Variants in MYO5B observed in about 807,000 individuals in gnomAD.
The protein encoded by MYO5B is myosin VB.
Under a neutral mutation model 229.3 loss-of-function variants are expected in MYO5B, and 143 were observed. The observed-to-expected ratio is 0.62, with a 90% CI of 0.54 to 0.72. The LOEUF (loss-of-function observed/expected upper bound fraction) is 0.72, where lower values mean the gene tolerates loss of function less well. Ranked by LOEUF, MYO5B falls within the 30% of genes least tolerant of loss-of-function variation. The pLI is 0.00. For missense variants in MYO5B, 2,321 were observed against 2,331.0 expected (o/e 1.00, Z 0.09); for synonymous variants, 918 against 885.2 (o/e 1.04, Z -0.66).
At chr18:49,883,150 T>TTGA (rs1225970702) in intron 22 of MYO5B, among the ~76,000 whole-genome samples, 5 of 152,254 alleles carry the variant, frequency 3.3e-5, no homozygotes, top group African/African-American at 1.2e-4. Context: ...TTGCCACTTC[T>TTGA]ATTCAGCATT....
chr18:50,055,452 G>T, intron 1 of MYO5B, 74 bp from the exon 2 acceptor site: 2 of 1,249,398 alleles, frequency 1.6e-6, no homozygotes, highest in Non-Finnish European at 2.3e-6. Context: ...TCACTACCTA[G>T]AAAGTGCCCA....
Position 49,948,554 on chromosome 18 carries a change from AG to A in MYO5B, c.1752+4705del, listed in dbSNP as rs550686135. Among the ~76,000 whole-genome samples the A allele has an allele frequency of 8.5e-5, 13 of 152,250 alleles. 1 individual carries two copies. Among genetic ancestry groups the A allele is most frequent in the Non-Finnish European group, 1.9e-4 (13 of 68,050 alleles). On this transcript the variant is annotated intron_variant, in intron 14 of 39. Coordinates refer to ENST00000285039, the MANE Select transcript of MYO5B (RefSeq NM_001080467.3). ...CCAGCACATCTTAAACAGGAAGCAA[AG>A]TACATTTGAGAACATTTTATAGTAT...
intron 21 of MYO5B, among the ~76,000 whole-genome samples, chr18:49,895,774 G>A (rs1568021804): frequency 6.6e-6 from 1 of 152,160 alleles, no homozygotes; most frequent in Non-Finnish European, 1.5e-5. Context: ...CCCAAACCAT[G>A]CTCCTGCAGA....
intron 1 of MYO5B, among the ~76,000 whole-genome samples, chr18:50,179,640 C>T (rs1599081984): frequency 6.6e-6 from 1 of 152,172 alleles, no homozygotes; most frequent in African/African-American, 2.4e-5. Flanking sequence ...AACTGAGTCT[C>T]CTTGCCAGCA....
At position 50,040,135 on chromosome 18, in the gene MYO5B, C is replaced by T. The variant is rs1457751745; in HGVS notation, c.310+8G>A. 1.2e-6 allele frequency: 2 copies of T among 1,613,670 alleles called. No individual in the cohort carries two copies. The highest frequency in any genetic ancestry group is 1.7e-6 in the Non-Finnish European group (2 of 1,179,722). On this transcript the variant is annotated splice_region_variant and intron_variant, in intron 3 of 39. Transcript: ENST00000285039. Reference sequence around the variant, plus strand: ...AACGCATGCAGCCAACAGATGCCCCCCACTTACCACAGTAAGTGTAGATAT... The same window carrying T: ...AACGCATGCAGCCAACAGATGCCCCTCACTTACCACAGTAAGTGTAGATAT...
chr18:50,190,821 TCTAA>T (rs2033216657), intron 1 of MYO5B, among the ~76,000 whole-genome samples: 1 of 152,232 alleles, frequency 6.6e-6, no homozygotes, highest in African/African-American at 2.4e-5. Context: ...AATAACATCT[TCTAA>T]CTATCACAAA....
chr18:49,954,493 G>A (rs1480102715), intron 12 of MYO5B, 58 bp from the exon 13 acceptor site: 4 of 1,610,700 alleles, frequency 2.5e-6, no homozygotes, highest in Non-Finnish European at 3.4e-6. Flanking sequence ...GAAGCCCTGG[G>A]TTGCAGCAGA....
At chr18:50,022,058 T>C (rs966120242) in intron 4 of MYO5B, among the ~76,000 whole-genome samples, 1 of 152,164 alleles carries the variant, frequency 6.6e-6, no homozygotes, top group Admixed American at 6.5e-5. Flanking sequence ...ATTAACTCTT[T>C]GATTTTCACC....
intron 1 of MYO5B, among the ~76,000 whole-genome samples, chr18:50,079,433 G>A (rs1232960016): frequency 2.6e-5 from 4 of 152,090 alleles, no homozygotes; most frequent in Non-Finnish European, 5.9e-5. Context: ...TCCACCCCTT[G>A]GTCCTTGGAC....
chr18:50,147,047 TACAG>T (rs1272365342), intron 1 of MYO5B, among the ~76,000 whole-genome samples: 2 of 152,170 alleles, frequency 1.3e-5, no homozygotes, highest in African/African-American at 4.8e-5. Context: ...CTTGTCTCCT[TACAG>T]ACAGTTTCCA....
At position 49,849,557 on chromosome 18, in the gene MYO5B, A is replaced by AC. The variant is rs746628996; in HGVS notation, c.4315+9dup. The AC allele has an allele frequency of 2.5e-6, 4 of 1,595,300 alleles. No homozygotes were observed. Among genetic ancestry groups the AC allele is most frequent in the African/African-American group, 2.7e-5 (2 of 74,352 alleles). On this transcript the variant is annotated intron_variant, in intron 32 of 39. Transcript: ENST00000285039. ...TGATTCACAAAACACACTCACTCAC[A>AC]CCCCCCTACCTTCTAGGTCCTGGGC...
chr18:50,123,411 G>A (rs1253588500), intron 1 of MYO5B, among the ~76,000 whole-genome samples: 3 of 152,236 alleles, frequency 2.0e-5, no homozygotes, highest in Admixed American at 2.0e-4. Context: ...ATGGGTAATT[G>A]TATATTATGT....
intron 1 of MYO5B, among the ~76,000 whole-genome samples, chr18:50,187,803 G>T (rs2033169622): frequency 6.6e-6 from 1 of 152,156 alleles, no homozygotes; most frequent in South Asian, 2.1e-4. Flanking sequence ...AGGTGTGAGT[G>T]ACTGTGCCTG....
chr18:49,957,815 C>T (rs569114449), intron 12 of MYO5B, among the ~76,000 whole-genome samples: 52 of 152,164 alleles, frequency 3.4e-4, no homozygotes, highest in Admixed American at 8.5e-4. Context: ...TACTTCAGGC[C>T]TTGTACCCCT....
At position 49,825,607 on chromosome 18, in the gene MYO5B, T is replaced by C. The variant is rs2023833032; in HGVS notation, c.*864A>G. The C allele has an allele frequency of 6.6e-6, 1 of 152,198 alleles. No homozygotes were observed. Among genetic ancestry groups the C allele is most frequent in the South Asian group, 2.1e-4 (1 of 4,832 alleles). The allele number at this position is 152,198 out of a possible 1,614,324, so 9.4% of individuals were successfully genotyped here. A position where few individuals can be genotyped will look rare whatever the true frequency, so the allele number is the denominator to read the frequency against. ...AAAGCTTTCATATTGACTTGTTTGG[T>C]TTTTACATCTATAAATAAAACAAGT... On this transcript the variant is annotated 3_prime_UTR_variant, in exon 40 of 40. Coordinates refer to ENST00000285039, the MANE Select transcript of MYO5B (RefSeq NM_001080467.3).
At chr18:49,866,353 G>A (rs548294922) in intron 27 of MYO5B, among the ~76,000 whole-genome samples, 104 of 152,118 alleles carry the variant, frequency 6.8e-4, no homozygotes, top group Non-Finnish European at 1.1e-3. Flanking sequence ...ACAGGCATGA[G>A]CCGCCACGCC....
chr18:49,845,148 T>G (rs972610054), intron 33 of MYO5B, among the ~76,000 whole-genome samples: 1 of 152,218 alleles, frequency 6.6e-6, no homozygotes, highest in Non-Finnish European at 1.5e-5. Flanking sequence ...CAAGCAGCCT[T>G]ATTTATTGAA....
intron 4 of MYO5B, among the ~76,000 whole-genome samples, chr18:50,008,333 G>A (rs1216298110): frequency 1.3e-5 from 2 of 152,114 alleles, no homozygotes; most frequent in African/African-American, 4.8e-5. Flanking sequence ...ATCCTATGAT[G>A]GTCAATCTCA....
intron 1 of MYO5B, among the ~76,000 whole-genome samples, chr18:50,111,322 A>G (rs894648801): frequency 1.3e-5 from 2 of 152,254 alleles, no homozygotes; most frequent in Non-Finnish European, 2.9e-5. Flanking sequence ...AATTCTATTC[A>G]TAAAACTACA....
Sources: gnomAD v4.1 joint callset for allele counts (sites outside exome capture counted in the v4.1 genomes callset) on GRCh38, gnomAD v4.1.1 for gene constraint, MANE v1.5 for transcripts, NCBI Gene and HGNC (gene_info 2026-07-23, HGNC 2026-07-21) for gene names.